HS6ST3: variants seen among roughly 807,000 people sequenced by gnomAD.
HS6ST3 encodes the protein heparan sulfate 6-O-sulfotransferase 3.
A neutral mutation model predicts 36.7 loss-of-function variants in HS6ST3; 12 were observed. The observed-to-expected ratio is 0.33, with a 90% CI of 0.21 to 0.53. HS6ST3 has a LOEUF of 0.53. HS6ST3 is among the 20% of genes least tolerant of loss of function. The pLI is 0.95. For missense variants in HS6ST3, 584 were observed against 640.9 expected (o/e 0.91, Z 0.96); for synonymous variants, 240 against 257.5 (o/e 0.93, Z 0.65).
chr13:96,370,245 A>G (rs2055283105), intron 1 of HS6ST3, among the ~76,000 whole-genome samples: 1 of 152,164 alleles, frequency 6.6e-6, no homozygotes, highest in Non-Finnish European at 1.5e-5. Context: ...TAGGGTGGAA[A>G]ACTAGCTAAA....
In HS6ST3 at chr13:96,126,212, C is replaced by G. The variant is rs183324584; in HGVS notation, c.707+34643C>G. ...TGCTAGTCAGCCCCCTTCTTGACTT[C>G]TATTCTTTTCCAACCTAGTAGGGGC... On this transcript the variant is annotated intron_variant, in intron 1 of 1. Coordinates refer to ENST00000376705, the MANE Select transcript of HS6ST3 (RefSeq NM_153456.4). Among the ~76,000 whole-genome samples, 18 of 152,320 alleles carry G rather than the reference C, an allele frequency of 1.2e-4. No individual in the cohort carries two copies. In the East Asian group the frequency reaches 2.1e-3, roughly 18 times the overall value.
chr13:96,543,799 G>A (rs184431031), intron 1 of HS6ST3, among the ~76,000 whole-genome samples: 1 of 152,234 alleles, frequency 6.6e-6, no homozygotes, highest in East Asian at 1.9e-4. Flanking sequence ...CACAAACTAT[G>A]AAGGATGACA....
chr13:96,545,068 T>C (rs2056192719), intron 1 of HS6ST3, among the ~76,000 whole-genome samples: 1 of 152,114 alleles, frequency 6.6e-6, no homozygotes. Context: ...AATAGAAATA[T>C]GTGAGAACAT....
intron 1 of HS6ST3, among the ~76,000 whole-genome samples, chr13:96,648,523 T>C: frequency 6.6e-6 from 1 of 151,692 alleles, no homozygotes; most frequent in East Asian, 1.9e-4. Context: ...CCAGGATACA[T>C]GTACAGGATG....
At chr13:96,499,426 A>G (rs913905828) in intron 1 of HS6ST3, among the ~76,000 whole-genome samples, 4 of 152,170 alleles carry the variant, frequency 2.6e-5, no homozygotes, top group African/African-American at 9.7e-5. Flanking sequence ...AGAGCCATGA[A>G]TCTCTACCCT....
chr13:96,767,149 T>A (rs1425938684), intron 1 of HS6ST3, among the ~76,000 whole-genome samples: 1 of 152,250 alleles, frequency 6.6e-6, no homozygotes, highest in East Asian at 1.9e-4. Context: ...CCGTGATCTT[T>A]GTGTTTTATA....
intron 1 of HS6ST3, among the ~76,000 whole-genome samples, chr13:96,522,928 C>T (rs1193134793): frequency 1.3e-5 from 2 of 152,062 alleles, no homozygotes; most frequent in Admixed American, 6.5e-5. Context: ...TTATTTTGCT[C>T]GTTAGTTGAT....
At chr13:96,172,953 C>T (rs1375609340) in intron 1 of HS6ST3, among the ~76,000 whole-genome samples, 1 of 152,164 alleles carries the variant, frequency 6.6e-6, no homozygotes, top group Non-Finnish European at 1.5e-5. Flanking sequence ...TTCATTCAAG[C>T]ATGCATTCAA....
At chr13:96,438,938 G>A (rs1348027901) in intron 1 of HS6ST3, among the ~76,000 whole-genome samples, 2 of 152,010 alleles carry the variant, frequency 1.3e-5, no homozygotes, top group African/African-American at 2.4e-5. Context: ...CATGGTGGCT[G>A]GTACCTGTAT....
intron 1 of HS6ST3, among the ~76,000 whole-genome samples, chr13:96,378,582 G>A (rs1218783209): frequency 1.3e-5 from 2 of 151,904 alleles, no homozygotes; most frequent in East Asian, 1.9e-4. Context: ...TTCATTTTCC[G>A]AAACATTTAT....
intron 1 of HS6ST3, among the ~76,000 whole-genome samples, chr13:96,228,883 C>T (rs915156481): frequency 6.6e-6 from 1 of 152,026 alleles, no homozygotes; most frequent in Non-Finnish European, 1.5e-5. Context: ...GAAGAGGGAC[C>T]AGGAGAGGGT....
chr13:96,495,894 A>C (rs1220553741), intron 1 of HS6ST3, among the ~76,000 whole-genome samples: 5 of 152,226 alleles, frequency 3.3e-5, no homozygotes, highest in Non-Finnish European at 2.9e-5. Context: ...AGAGCGCAGT[A>C]GTTCCTTTCC....
chr13:96,473,676 A>G (rs1330975606), intron 1 of HS6ST3, among the ~76,000 whole-genome samples: 2 of 152,190 alleles, frequency 1.3e-5, no homozygotes, highest in Admixed American at 6.5e-5. Context: ...TGGCTTTTGC[A>G]GATGATGGAT....
intron 1 of HS6ST3, among the ~76,000 whole-genome samples, chr13:96,652,744 G>A (rs896881926): frequency 6.6e-6 from 1 of 152,068 alleles, no homozygotes; most frequent in African/African-American, 2.4e-5. Context: ...AGTCTTTGAG[G>A]ACCTCTCTAG....
intron 1 of HS6ST3, among the ~76,000 whole-genome samples, chr13:96,226,611 A>T (rs2054482255): frequency 6.6e-6 from 1 of 152,250 alleles, no homozygotes; most frequent in African/African-American, 2.4e-5. Flanking sequence ...TAATCAAAAT[A>T]TGTGAACCTT....
At chr13:96,695,518 G>C (rs1296693990) in intron 1 of HS6ST3, among the ~76,000 whole-genome samples, 1 of 151,886 alleles carries the variant, frequency 6.6e-6, no homozygotes, top group Non-Finnish European at 1.5e-5. Context: ...ACTGCAGCTC[G>C]AATTCCTGGG....
chr13:96,350,415 T>G (rs1419054548), intron 1 of HS6ST3, among the ~76,000 whole-genome samples: 1 of 152,238 alleles, frequency 6.6e-6, no homozygotes, highest in Non-Finnish European at 1.5e-5. Flanking sequence ...AATCTGGCAT[T>G]GTGATCAGTC....
At chr13:96,213,566 G>T (rs1289043163) in intron 1 of HS6ST3, among the ~76,000 whole-genome samples, 1 of 146,498 alleles carries the variant, frequency 6.8e-6, no homozygotes, top group Non-Finnish European at 1.5e-5. Context: ...TTGTTCTCTT[G>T]CCCAGGCTGG....
At chr13:96,656,839 A>G (rs74374135) in intron 1 of HS6ST3, among the ~76,000 whole-genome samples, 1,841 of 152,224 alleles carry the variant, frequency 0.012, 33 homozygotes, top group African/African-American at 0.042. Flanking sequence ...TGACGGAATT[A>G]TATACAAAAT....
Sources: allele counts gnomAD v4.1 joint callset (sites outside exome capture counted in the v4.1 genomes callset), GRCh38; gene constraint gnomAD v4.1.1; transcripts MANE v1.5; gene names NCBI Gene and HGNC (gene_info 2026-07-23, HGNC 2026-07-21).